The following AFF3 variants were observed in gnomAD, a reference collection of about 807,000 sequenced individuals.
AFF3 encodes the protein AF4/FMR2 family member 3.
In AFF3, 32 loss-of-function variants were observed where a neutral mutation model predicts 129.7. The observed-to-expected ratio is 0.25, with a 90% CI of 0.19 to 0.33. The LOEUF (loss-of-function observed/expected upper bound fraction) is 0.33, where lower values mean the gene tolerates loss of function less well. Ranked by LOEUF, AFF3 falls within the 10% of genes least tolerant of loss-of-function variation. The pLI is 1.00. For synonymous variants in AFF3, 644 were observed against 635.4 expected, an observed-to-expected ratio of 1.01 and a Z score of -0.20; for missense variants, 1,373 against 1,592.0, an observed-to-expected ratio of 0.86 and a Z score of 2.34.
chr2:99,873,688 C>T (rs964167469), intron 7 of AFF3, among the ~76,000 whole-genome samples: 2 of 149,106 alleles, frequency 1.3e-5, no homozygotes, highest in Non-Finnish European at 3.0e-5. Flanking sequence ...ATTTGAGGCT[C>T]TTGGTTAATC....
At chr2:99,954,206 A>T (rs1676418735) in intron 7 of AFF3, among the ~76,000 whole-genome samples, 1 of 152,138 alleles carries the variant, frequency 6.6e-6, no homozygotes, top group African/African-American at 2.4e-5. Context: ...GCAGGGACAT[A>T]AAAATGCATG....
At chr2:99,929,296 C>T (rs531892834) in intron 7 of AFF3, among the ~76,000 whole-genome samples, 4 of 152,098 alleles carry the variant, frequency 2.6e-5, no homozygotes, top group African/African-American at 9.6e-5. Context: ...CATTGCACTC[C>T]AGCCTGGGCA....
chr2:100,076,237 G>A (rs912297347), intron 4 of AFF3, among the ~76,000 whole-genome samples: 5 of 152,094 alleles, frequency 3.3e-5, no homozygotes, highest in African/African-American at 1.2e-4. Flanking sequence ...ACTACAAACC[G>A]AGATATCTTC....
intron 15 of AFF3, among the ~76,000 whole-genome samples, chr2:99,591,731 A>G (rs988209043): frequency 4.6e-5 from 7 of 152,160 alleles, no homozygotes; most frequent in Non-Finnish European, 7.3e-5. Flanking sequence ...TCTTCAGAAA[A>G]CTGGAAAATA....
At chr2:100,116,431 T>C (rs565108893) in intron 2 of AFF3, among the ~76,000 whole-genome samples, 10 of 152,306 alleles carry the variant, frequency 6.6e-5, no homozygotes, top group Admixed American at 3.9e-4. Flanking sequence ...TCTATTTTTG[T>C]GCTGTCCTCA....
intron 7 of AFF3, among the ~76,000 whole-genome samples, chr2:99,839,643 G>A (rs1206783519): frequency 5.6e-5 from 8 of 143,934 alleles, no homozygotes; most frequent in South Asian, 4.4e-4. Flanking sequence ...ACGGAGCCTC[G>A]CTCTGTCACC....
intron 4 of AFF3, among the ~76,000 whole-genome samples, chr2:100,052,623 A>ACTG (rs1686434189): frequency 6.6e-6 from 1 of 152,148 alleles, no homozygotes; most frequent in African/African-American, 2.4e-5. Flanking sequence ...AGACAGAGGA[A>ACTG]CTGCTCCACA....
intron 7 of AFF3, among the ~76,000 whole-genome samples, chr2:99,930,098 T>C (rs1696564028): frequency 1.3e-5 from 2 of 152,188 alleles, no homozygotes; most frequent in South Asian, 2.1e-4. Context: ...AAGAGAGTGT[T>C]TACTGTGTAG....
intron 8 of AFF3, among the ~76,000 whole-genome samples, chr2:99,764,818 T>G (rs973305825): frequency 6.6e-6 from 1 of 152,142 alleles, no homozygotes; most frequent in Non-Finnish European, 1.5e-5. Flanking sequence ...TGCTGCAATA[T>G]ACAGACACCT....
chr2:99,582,708 T>C (rs1677688827), intron 17 of AFF3, 90 bp downstream of exon 17: 6 of 1,395,292 alleles, frequency 4.3e-6, no homozygotes, highest in Non-Finnish European at 6.0e-6. Context: ...ACCTCAAGCA[T>C]GTGTTCAGAC....
Position 99,836,436 on chromosome 2 carries a change from C to T in AFF3, c.921+1041G>A, listed in dbSNP as rs187940520. Among the ~76,000 whole-genome samples, 9 of 152,058 alleles carry T rather than the reference C, an allele frequency of 5.9e-5. No individual in the cohort carries two copies. In the East Asian group the frequency reaches 1.7e-3, roughly 29 times the overall value. On this transcript the variant is annotated intron_variant, in intron 8 of 24. Coordinates refer to ENST00000672756, the MANE Select transcript of AFF3 (RefSeq NM_001386135.1). ...TACTTATATACCAGAAATGAAGCTG[C>T]CTGTTTTGACAATTGCTTTCTCTAT...
At chr2:99,682,601 C>A (rs1415656713) in intron 11 of AFF3, among the ~76,000 whole-genome samples, 2 of 152,122 alleles carry the variant, frequency 1.3e-5, no homozygotes, top group African/African-American at 4.8e-5. Flanking sequence ...TGGAGAAGTC[C>A]CCACACTTTC....
At chr2:99,834,696 G>A (rs1450466418) in intron 8 of AFF3, among the ~76,000 whole-genome samples, 1 of 152,118 alleles carries the variant, frequency 6.6e-6, no homozygotes, top group Non-Finnish European at 1.5e-5. Flanking sequence ...ACACCACTGA[G>A]CTTGAATCTC....
intron 4 of AFF3, among the ~76,000 whole-genome samples, chr2:100,056,502 T>C (rs1395509633): frequency 3.3e-5 from 5 of 152,182 alleles, no homozygotes; most frequent in Admixed American, 6.5e-5. Context: ...TCACAAAATA[T>C]TATCTAAAGT....
intron 13 of AFF3, among the ~76,000 whole-genome samples, chr2:99,622,444 AAG>A (rs1483249970): frequency 6.6e-6 from 1 of 152,246 alleles, no homozygotes; most frequent in African/African-American, 2.4e-5. Flanking sequence ...AGGCTGAGCA[AAG>A]AGAGAGAAGG....
intron 11 of AFF3, among the ~76,000 whole-genome samples, chr2:99,675,807 T>A (rs1387739998): frequency 6.6e-6 from 1 of 152,174 alleles, no homozygotes; most frequent in Non-Finnish European, 1.5e-5. Context: ...GTGGTGGTCA[T>A]GGGCCCAACC....
At chr2:99,828,164 G>C (rs1688236325) in intron 8 of AFF3, among the ~76,000 whole-genome samples, 1 of 152,124 alleles carries the variant, frequency 6.6e-6, no homozygotes, top group South Asian at 2.1e-4. Context: ...TTTCATTTGG[G>C]AACAATTGGG....
intron 8 of AFF3, among the ~76,000 whole-genome samples, chr2:99,773,628 A>T (rs1683667392): frequency 1.3e-5 from 2 of 152,206 alleles, no homozygotes; most frequent in South Asian, 4.1e-4. Context: ...CTCAGGGCCA[A>T]GCCTTAACTG....
At chr2:99,835,922 CTCA>C (rs1688840615) in intron 8 of AFF3, among the ~76,000 whole-genome samples, 1 of 152,188 alleles carries the variant, frequency 6.6e-6, no homozygotes, top group African/African-American at 2.4e-5. Flanking sequence ...GCATGAGGCT[CTCA>C]TCAGCTCTCT....
Sources: gnomAD v4.1 joint callset for allele counts (sites outside exome capture counted in the v4.1 genomes callset) on GRCh38, gnomAD v4.1.1 for gene constraint, MANE v1.5 for transcripts, NCBI Gene and HGNC (gene_info 2026-07-23, HGNC 2026-07-21) for gene names.